CCDC152: variants seen among roughly 807,000 people sequenced by gnomAD.
CCDC152 encodes coiled-coil domain-containing protein 152.
CCDC152 carries 37 observed loss-of-function variants against 38.1 expected under a neutral mutation model. The ratio of observed to expected loss-of-function variants is 0.97; its 90% confidence interval spans 0.75 to 1.28. The LOEUF is 1.28. CCDC152 is among the 50% of genes most tolerant of loss of function. CCDC152 has a pLI of 0.00. For missense variants in CCDC152, 259 were observed against 292.1 expected, an observed-to-expected ratio of 0.89 and a Z score of 0.83; for synonymous variants, 83 against 87.1, an observed-to-expected ratio of 0.95 and a Z score of 0.26.
At chr5:42,785,232 A>T (rs570856670) in intron 6 of CCDC152, among the ~76,000 whole-genome samples, 2 of 152,286 alleles carry the variant, frequency 1.3e-5, no homozygotes, top group South Asian at 4.1e-4. Flanking sequence ...ATCCATGAGC[A>T]TGGAATGCTT....
chr5:42,778,452 A>G (rs572290684), intron 4 of CCDC152, among the ~76,000 whole-genome samples: 1 of 152,280 alleles, frequency 6.6e-6, no homozygotes, highest in East Asian at 1.9e-4. Context: ...GATCATGAAA[A>G]CTTTCAATCA....
chr5:42,779,050 G>C (rs945330704), intron 4 of CCDC152, among the ~76,000 whole-genome samples: 4 of 152,220 alleles, frequency 2.6e-5, no homozygotes, highest in African/African-American at 9.6e-5. Flanking sequence ...TCTTCTGTGC[G>C]ATTTTCTGCA....
At chr5:42,779,751 C>A (rs1759819319) in intron 5 of CCDC152, among the ~76,000 whole-genome samples, 1 of 151,098 alleles carries the variant, frequency 6.6e-6, no homozygotes, top group Non-Finnish European at 1.5e-5. Context: ...AATGTACTAA[C>A]AAATAACTTG....
intron 6 of CCDC152, among the ~76,000 whole-genome samples, chr5:42,787,168 G>T (rs191034564): frequency 6.6e-6 from 1 of 151,940 alleles, no homozygotes; most frequent in Admixed American, 6.6e-5. Flanking sequence ...GGTTCATTTG[G>T]TCAAAAGTCC....
chr5:42,763,712 A>G (rs1759587168), intron 3 of CCDC152, among the ~76,000 whole-genome samples: 2 of 152,228 alleles, frequency 1.3e-5, no homozygotes, highest in Admixed American at 6.5e-5. Context: ...AAAATACCTG[A>G]TCAGTATTTG....
At chr5:42,779,320 C>T (rs966932109) in intron 4 of CCDC152, 138 bp from the exon 5 acceptor site, 2 of 627,048 alleles carry the variant, frequency 3.2e-6, no homozygotes, top group Non-Finnish European at 5.8e-6. Flanking sequence ...CAGTGTCTAG[C>T]ATGGTGCCTG....
At chr5:42,772,783 C>G (rs957697865) in intron 4 of CCDC152, among the ~76,000 whole-genome samples, 1 of 152,094 alleles carries the variant, frequency 6.6e-6, no homozygotes, top group African/African-American at 2.4e-5. Flanking sequence ...TAGATAAGAA[C>G]TATCTATATT....
rs756213126 is a variant in CCDC152 at position 42,800,897 on chromosome 5, GT to G, written c.*1120del. The G allele has an allele frequency of 6.2e-7, 1 of 1,614,130 alleles. No individual in the cohort carries two copies. On this transcript the variant is annotated 3_prime_UTR_variant, in exon 9 of 9. Transcript: ENST00000361970. ...CCTGTCAGCTACATAAAGATGGGAG[GT>G]TTTCTTTACACTGTCAGGTGATTGC...
At position 42,796,967 on chromosome 5, in the gene CCDC152, A is replaced by C. The variant is rs935732404; in HGVS notation, c.558+11A>C. The C allele has an allele frequency of 1.6e-5, 24 of 1,501,050 alleles. No individual in the cohort carries two copies. The highest frequency in any genetic ancestry group is 2.0e-5 in the Non-Finnish European group (23 of 1,124,280). 93.0% of individuals were successfully genotyped at this position (1,501,050 alleles called of 1,614,324 possible). A position where few individuals can be genotyped will look rare whatever the true frequency, so the allele number is the denominator to read the frequency against. On this transcript the variant is annotated intron_variant, in intron 7 of 8. Coordinates refer to ENST00000361970, the MANE Select transcript of CCDC152 (RefSeq NM_001134848.2). ...AAGCTACAACTAGAAGTAAGTGTTT[A>C]AGAGTCTGCTAAACTTGAGGACACA...
chr5:42,772,393 T>C (rs1247402012), intron 4 of CCDC152, among the ~76,000 whole-genome samples: 1 of 152,132 alleles, frequency 6.6e-6, no homozygotes, highest in East Asian at 1.9e-4. Context: ...ACAAGGCAAG[T>C]ACAAGTTTTA....
chr5:42,769,684 T>A lies in CCDC152; in HGVS notation c.262+19T>A. 2 of 1,463,526 alleles carry A rather than the reference T, an allele frequency of 1.4e-6. No individual in the cohort carries two copies. The highest frequency in any genetic ancestry group is 1.8e-6 in the Non-Finnish European group (2 of 1,105,854). The allele number at this position is 1,463,526 out of a possible 1,614,324, so 90.7% of individuals were successfully genotyped here. ...TTGAAAGGTAAGTTAGAAAAAAAAGTAAAATCTAAAAAAGCATTGTGTATT... is the reference window on the plus strand; with the variant it reads ...TTGAAAGGTAAGTTAGAAAAAAAAGAAAAATCTAAAAAAGCATTGTGTATT... On this transcript the variant is annotated intron_variant, in intron 4 of 8. Transcript: ENST00000361970.
chr5:42,782,799 A>G (rs550424863), intron 5 of CCDC152, among the ~76,000 whole-genome samples: 11 of 149,502 alleles, frequency 7.4e-5, no homozygotes, highest in African/African-American at 2.7e-4. Context: ...GCATTCCACA[A>G]TGTATACATA....
rs1332566750 is a variant in CCDC152 at position 42,783,580 on chromosome 5, A to C, written c.430+4A>C. On this transcript the variant is annotated splice_donor_region_variant and intron_variant, in intron 6 of 8. Coordinates refer to ENST00000361970, the MANE Select transcript of CCDC152 (RefSeq NM_001134848.2). ...TATCAGGACATGCAGAGAAAAGGTA[A>C]GTTTAAAATAAACTTGCTTTTTTGT... is the stretch of plus-strand genomic sequence containing the variant. The C allele has an allele frequency of 7.5e-7, 1 of 1,331,144 alleles. No individual in the cohort carries two copies. Among genetic ancestry groups the C allele is most frequent in the Non-Finnish European group, 9.7e-7 (1 of 1,026,230 alleles). The allele number at this position is 1,331,144 out of a possible 1,614,324, so 82.5% of individuals were successfully genotyped here.
In CCDC152 at chr5:42,762,459, A is replaced by G. The variant is rs374555478; in HGVS notation, c.104A>G (p.Asn35Ser). 5.4e-5 allele frequency: 81 copies of G among 1,509,694 alleles called. No homozygotes were observed. The African/African-American group carries it at 7.5e-4, about 14-fold the overall frequency. The allele number at this position is 1,509,694 out of a possible 1,614,324, so 93.5% of individuals were successfully genotyped here. ...CTTCTACAGAAAATGGTAGAAACCA[A>G]TGGAAAGAACAATATACTGGATATT... Reference protein sequence around the residue: ...SQIEKKMVETNGKNNILDIQL... With the variant: ...SQIEKKMVETSGKNNILDIQL... The change falls in exon 3 of 9, where the codon AAT (asparagine) becomes AGT (serine). Residue 35 changes from asparagine to serine, a missense_variant. Transcript: ENST00000361970.
chr5:42,765,510 A>G (rs970623034), intron 3 of CCDC152, among the ~76,000 whole-genome samples: 10 of 152,330 alleles, frequency 6.6e-5, no homozygotes, highest in African/African-American at 2.2e-4. Flanking sequence ...CTGACTTCAA[A>G]TTATACTACA....
intron 7 of CCDC152, 112 bp from the exon 8 acceptor site, chr5:42,799,263 T>C: frequency 1.7e-6 from 1 of 584,228 alleles, no homozygotes; most frequent in East Asian, 3.1e-5. Flanking sequence ...TATACTGTAA[T>C]TTACACCTGA....
chr5:42,780,055 T>A (rs763902538), intron 5 of CCDC152, among the ~76,000 whole-genome samples: 1 of 152,208 alleles, frequency 6.6e-6, no homozygotes, highest in Non-Finnish European at 1.5e-5. Context: ...GTAGAACACA[T>A]GAACAGCGTG....
In CCDC152 at chr5:42,799,897, A is replaced by G; in HGVS notation, c.*116A>G. The G allele has an allele frequency of 8.7e-7, 1 of 1,153,128 alleles. No homozygotes were observed. Among genetic ancestry groups the G allele is most frequent in the Non-Finnish European group, 1.2e-6 (1 of 812,684 alleles). 71.4% of individuals were successfully genotyped at this position (1,153,128 alleles called of 1,614,324 possible). Reference sequence around the variant, plus strand: ...AAACGAAGTCAGCTTTAAGGTTTTTATTGAATTTATTTGGACAAATCCGTA... The same window carrying G: ...AAACGAAGTCAGCTTTAAGGTTTTTGTTGAATTTATTTGGACAAATCCGTA... On this transcript the variant is annotated 3_prime_UTR_variant, in exon 9 of 9. Coordinates refer to ENST00000361970, the MANE Select transcript of CCDC152 (RefSeq NM_001134848.2).
In CCDC152 at chr5:42,799,883, G is replaced by A; in HGVS notation, c.*102G>A. On this transcript the variant is annotated 3_prime_UTR_variant, in exon 9 of 9. Transcript: ENST00000361970. ...ACAGCCTACATAACAAACGAAGTCA[G>A]CTTTAAGGTTTTTATTGAATTTATT... 2.3e-6 allele frequency: 3 copies of A among 1,278,594 alleles called. No individual in the cohort carries two copies. Among genetic ancestry groups the A allele is most frequent in the East Asian group, 2.5e-5 (1 of 39,388 alleles). The allele number at this position is 1,278,594 out of a possible 1,614,324, so 79.2% of individuals were successfully genotyped here.
Sources: gnomAD v4.1 joint callset for allele counts (sites outside exome capture counted in the v4.1 genomes callset) on GRCh38, gnomAD v4.1.1 for gene constraint, MANE v1.5 for transcripts, NCBI Gene and HGNC (gene_info 2026-07-23, HGNC 2026-07-21) for gene names.